Variants in B3GALT1 observed in about 807,000 individuals in gnomAD.
B3GALT1 encodes the protein beta-1,3-galactosyltransferase 1.
In B3GALT1, 10 loss-of-function variants were observed where a neutral mutation model predicts 23.2. The ratio of observed to expected loss-of-function variants is 0.43; its 90% confidence interval spans 0.27 to 0.73. The LOEUF (loss-of-function observed/expected upper bound fraction) is 0.73, where lower values mean the gene tolerates loss of function less well. B3GALT1 is among the 30% of genes least tolerant of loss of function. The probability of loss-of-function intolerance (pLI) is 0.21; values close to 1 mark genes in which losing one functional copy is unlikely to be tolerated. For synonymous variants in B3GALT1, 156 were observed against 141.5 expected, an observed-to-expected ratio of 1.10 and a Z score of -0.73; for missense variants, 299 against 405.4, an observed-to-expected ratio of 0.74 and a Z score of 2.25.
At chr2:167,392,550 C>T (rs976488177) in intron 1 of B3GALT1, among the ~76,000 whole-genome samples, 2 of 152,186 alleles carry the variant, frequency 1.3e-5, no homozygotes, top group East Asian at 3.9e-4. Flanking sequence ...GAATTATTAT[C>T]GATTTCAATT....
intron 3 of B3GALT1, among the ~76,000 whole-genome samples, chr2:167,798,321 G>T (rs1668428868): frequency 6.6e-6 from 1 of 152,130 alleles, no homozygotes; most frequent in Admixed American, 6.5e-5. Context: ...AGCTTCTGTT[G>T]CCATCGCTTT....
chr2:167,501,143 A>G (rs1207606342), intron 2 of B3GALT1, among the ~76,000 whole-genome samples: 1 of 152,124 alleles, frequency 6.6e-6, no homozygotes, highest in African/African-American at 2.4e-5. Context: ...ACCGTATAAG[A>G]TGTTGTGTGG....
At chr2:167,491,495 T>G (rs1358164653) in intron 2 of B3GALT1, among the ~76,000 whole-genome samples, 3 of 151,278 alleles carry the variant, frequency 2.0e-5, no homozygotes, top group African/African-American at 7.3e-5. Context: ...TTTTTTTTTT[T>G]TTTTTCATTA....
intron 1 of B3GALT1, among the ~76,000 whole-genome samples, chr2:167,325,783 T>C (rs1317020582): frequency 1.3e-5 from 2 of 149,574 alleles, no homozygotes; most frequent in African/African-American, 4.9e-5. Context: ...AGTGGTGCGA[T>C]CTCAGCTCAC....
intron 2 of B3GALT1, among the ~76,000 whole-genome samples, chr2:167,597,117 GTTT>G (rs1309406987): frequency 2.3e-5 from 3 of 131,444 alleles, no homozygotes; most frequent in African/African-American, 5.4e-5. Context: ...TTTTGTTTTT[GTTT>G]TTTTTTTTTT....
chr2:167,739,959 C>G (rs1039627373), intron 3 of B3GALT1, among the ~76,000 whole-genome samples: 14 of 149,162 alleles, frequency 9.4e-5, no homozygotes, highest in South Asian at 4.2e-4. Flanking sequence ...AAAATCTAGG[C>G]GTGGTGGTGC....
intron 3 of B3GALT1, among the ~76,000 whole-genome samples, chr2:167,678,527 C>T (rs6433005): frequency 0.98 from 148,950 of 152,178 alleles, 72,968 homozygotes; most frequent in Middle Eastern, 1. Flanking sequence ...TAAGCACCAT[C>T]CCCATCTTAT....
chr2:167,720,142 A>G (rs1687209252), intron 3 of B3GALT1, among the ~76,000 whole-genome samples: 1 of 152,224 alleles, frequency 6.6e-6, no homozygotes, highest in Non-Finnish European at 1.5e-5. Flanking sequence ...ATGCAACTCT[A>G]GAGATAAAGC....
chr2:167,536,761 G>A (rs893742900), intron 2 of B3GALT1, among the ~76,000 whole-genome samples: 6 of 152,228 alleles, frequency 3.9e-5, no homozygotes, highest in Admixed American at 6.5e-5. Context: ...ATGTACCCAG[G>A]CCCCTCCACT....
intron 1 of B3GALT1, among the ~76,000 whole-genome samples, chr2:167,424,555 G>A (rs1340677683): frequency 3.3e-5 from 5 of 151,852 alleles, no homozygotes; most frequent in Admixed American, 6.6e-5. Flanking sequence ...ATTAGTGTGT[G>A]TGTGTGTTTG....
At chr2:167,324,697 C>G (rs1347397105) in intron 1 of B3GALT1, among the ~76,000 whole-genome samples, 1 of 152,046 alleles carries the variant, frequency 6.6e-6, no homozygotes, top group Non-Finnish European at 1.5e-5. Context: ...ACCTCTTTAT[C>G]ATTTCTATGT....
intron 1 of B3GALT1, among the ~76,000 whole-genome samples, chr2:167,360,031 C>T (rs1050699554): frequency 1.3e-5 from 2 of 152,132 alleles, no homozygotes; most frequent in East Asian, 1.9e-4. Context: ...CTGCTTTTCT[C>T]ATAATTTTAG....
At chr2:167,522,000 ATATATACACATATATATATAAT>A (rs1188648129) in intron 2 of B3GALT1, among the ~76,000 whole-genome samples, 1 of 146,500 alleles carries the variant, frequency 6.8e-6, no homozygotes, top group African/African-American at 2.5e-5. Flanking sequence ...ATATATATAT[ATATATACACATATATATATAAT>A]TATATATATG....
At chr2:167,436,274 C>T (rs538417573) in intron 1 of B3GALT1, among the ~76,000 whole-genome samples, 16 of 152,110 alleles carry the variant, frequency 1.1e-4, no homozygotes, top group Non-Finnish European at 2.1e-4. Context: ...GCTCTACTCA[C>T]GGTGTACTCC....
chr2:167,772,316 T>C (rs1464729409), intron 3 of B3GALT1, among the ~76,000 whole-genome samples: 1 of 152,232 alleles, frequency 6.6e-6, no homozygotes, highest in Non-Finnish European at 1.5e-5. Context: ...GCATGCTCAA[T>C]GCCAGTGTCA....
chr2:167,594,915 A>G (rs942149115), intron 2 of B3GALT1, among the ~76,000 whole-genome samples: 1 of 152,110 alleles, frequency 6.6e-6, no homozygotes, highest in African/African-American at 2.4e-5. Flanking sequence ...CAAAAAAAAA[A>G]GAAAAGAAAC....
intron 3 of B3GALT1, among the ~76,000 whole-genome samples, chr2:167,651,801 A>G (rs1322090068): frequency 6.6e-6 from 1 of 152,136 alleles, no homozygotes. Context: ...TTAAATAGTA[A>G]TTCAGCAACG....
At chr2:167,403,188 A>G (rs1258949207) in intron 1 of B3GALT1, among the ~76,000 whole-genome samples, 5 of 94,830 alleles carry the variant, frequency 5.3e-5, no homozygotes, top group Non-Finnish European at 9.7e-5. Flanking sequence ...CCACCCCACT[A>G]CAGGCCCCGG....
At chr2:167,573,758 C>T (rs1024573804) in intron 2 of B3GALT1, among the ~76,000 whole-genome samples, 1 of 151,498 alleles carries the variant, frequency 6.6e-6, no homozygotes, top group African/African-American at 2.4e-5. Flanking sequence ...ACATAAATAA[C>T]CTATTCCAAT....
Sources: allele counts gnomAD v4.1 joint callset (sites outside exome capture counted in the v4.1 genomes callset), GRCh38; gene constraint gnomAD v4.1.1; transcripts MANE v1.5; gene names NCBI Gene and HGNC (gene_info 2026-07-23, HGNC 2026-07-21).